Variants in ELP2 observed in about 807,000 individuals in gnomAD.
ELP2 encodes the protein elongator complex protein 2.
In ELP2, 90 loss-of-function variants were observed where a neutral mutation model predicts 119.2. The ratio of observed to expected loss-of-function variants is 0.75; its 90% CI spans 0.64 to 0.90. The LOEUF (loss-of-function observed/expected upper bound fraction) is 0.90, where lower values mean the gene tolerates loss of function less well. Among genes scored for constraint, ELP2 ranks in the 40% least tolerant of loss-of-function variants. The pLI, the probability that ELP2 is intolerant of heterozygous loss-of-function variation, is 0.00. For synonymous variants in ELP2, 339 were observed against 331.0 expected (o/e 1.02, Z -0.26); for missense variants, 921 against 967.8 (o/e 0.95, Z 0.64).
intron 1 of ELP2, 129 bp from the exon 2 acceptor site, chr18:36,133,109 A>C: frequency 1.4e-6 from 1 of 704,478 alleles, no homozygotes; most frequent in Non-Finnish European, 2.5e-6. Context: ...AGATTGAAGA[A>C]GGCAAATCTG....
intron 13 of ELP2, among the ~76,000 whole-genome samples, chr18:36,157,320 G>T (rs1313541462): frequency 6.6e-6 from 1 of 152,188 alleles, no homozygotes; most frequent in Non-Finnish European, 1.5e-5. Context: ...TTCACTTAGA[G>T]TTGAGTCACG....
intron 3 of ELP2, 21 bp downstream of exon 3, chr18:36,136,398 T>C (rs1314000565): frequency 6.3e-7 from 1 of 1,574,838 alleles, no homozygotes; most frequent in Admixed American, 1.7e-5. Context: ...ATGTTTATAA[T>C]CAAGAAATGA....
At chr18:36,133,897 G>GTT (rs57135329) in intron 2 of ELP2, among the ~76,000 whole-genome samples, 739 of 60,796 alleles carry the variant, frequency 0.012, 77 homozygotes, top group African/African-American at 0.05. Flanking sequence ...TTTTTTAGGG[G>GTT]TTTTTTTTTT....
rs376476624 is a variant in ELP2 at position 36,159,979 on chromosome 18, T to C, written c.1652T>C (p.Leu551Pro). 16 of 1,614,024 alleles carry C rather than the reference T, an allele frequency of 9.9e-6. No homozygotes were observed. Among genetic ancestry groups the C allele is most frequent in the Non-Finnish European group, 1.3e-5 (15 of 1,180,038 alleles). Residue 551 changes from leucine (L) to proline (P), a missense_variant, in exon 16 of 22, where the codon CTT becomes CCT. By Grantham distance (98) the Leu-to-Pro change is moderately conservative. Coordinates refer to ENST00000358232, the MANE Select transcript of ELP2 (RefSeq NM_018255.4). ...CTAGAGCCTCCCACTGAGGATCATC[T>C]TCTGCAGAATACTTTGTGGCCTGAA... ...ILTEPPTEDHLLQNTLWPEVQ... is the reference protein window; with the variant it reads ...ILTEPPTEDHPLQNTLWPEVQ...
chr18:36,159,959 G>T lies in ELP2; in HGVS notation c.1632G>T (p.Glu544Asp). 2 of 1,613,992 alleles carry T rather than the reference G, an allele frequency of 1.2e-6. No homozygotes were observed. The highest frequency in any genetic ancestry group is 1.7e-6 in the Non-Finnish European group (2 of 1,179,980). The change falls in exon 16 of 22, where the codon GAG becomes GAT. Residue 544 changes from glutamate to aspartate, a missense_variant and splice_region_variant. Transcript: ENST00000358232. The part of the protein sequence containing the change: ...QVAFQPSILT[E>D]PPTEDHLLQN... Reference sequence around the variant, plus strand: ...AAAAATAGCTTCAATTTATTCTAGAGCCTCCCACTGAGGATCATCTTCTGC... The same window carrying T: ...AAAAATAGCTTCAATTTATTCTAGATCCTCCCACTGAGGATCATCTTCTGC...
chr18:36,166,664 A>G (rs1185375529), intron 18 of ELP2, among the ~76,000 whole-genome samples: 2 of 152,158 alleles, frequency 1.3e-5, no homozygotes, highest in Non-Finnish European at 2.9e-5. Context: ...TAGTCCATAT[A>G]AGGGCTAGAA....
chr18:36,139,147 A>G (rs1190313986), intron 5 of ELP2, among the ~76,000 whole-genome samples: 1 of 152,190 alleles, frequency 6.6e-6, no homozygotes, highest in Non-Finnish European at 1.5e-5. Context: ...CTGTGGATGT[A>G]TATAGGTCTA....
At chr18:36,157,666 G>A (rs1319291919) in intron 13 of ELP2, among the ~76,000 whole-genome samples, 3 of 152,162 alleles carry the variant, frequency 2.0e-5, no homozygotes, top group Non-Finnish European at 4.4e-5. Context: ...GAAGAAAATG[G>A]AATTCATTAG....
At chr18:36,155,240 T>C (rs2144716537) in intron 12 of ELP2, among the ~76,000 whole-genome samples, 1 of 144,388 alleles carries the variant, frequency 6.9e-6, no homozygotes, top group East Asian at 2.0e-4. Context: ...CTCGAACTCC[T>C]GACCTCAGGT....
intron 12 of ELP2, among the ~76,000 whole-genome samples, chr18:36,156,145 T>G (rs896701964): frequency 1.3e-5 from 2 of 152,238 alleles, no homozygotes; most frequent in African/African-American, 4.8e-5. Flanking sequence ...CGGAACTGAC[T>G]GTGGGTCAGT....
chr18:36,160,561 G>C lies in ELP2; in HGVS notation c.1689-371G>C, dbSNP rs911208825. On this transcript the variant is annotated intron_variant, in intron 16 of 21. Coordinates refer to ENST00000358232, the MANE Select transcript of ELP2 (RefSeq NM_018255.4). Reference sequence around the variant, plus strand: ...CCACTGCACCCCAGCCTGGGTGACAGAATGAGACCTTGCCTTGAAAAAAAA... The same window carrying C: ...CCACTGCACCCCAGCCTGGGTGACACAATGAGACCTTGCCTTGAAAAAAAA... Among the ~76,000 whole-genome samples, 3 of 138,562 alleles carry C rather than the reference G, an allele frequency of 2.2e-5. No individual in the cohort carries two copies. In the Admixed American group the frequency reaches 2.3e-4, roughly 11 times the overall value. The allele number at this position is 138,562 out of a possible 152,430, so 90.9% of individuals were successfully genotyped here.
At chr18:36,141,692 C>CTT (rs1204242187) in intron 6 of ELP2, among the ~76,000 whole-genome samples, 9,253 of 137,174 alleles carry the variant, frequency 0.067, 395 homozygotes, top group Non-Finnish European at 0.095. Context: ...AGCTATTCAA[C>CTT]TTTTTTTTTT....
At chr18:36,141,429 A>T in intron 6 of ELP2, 1 of 536,450 alleles carries the variant, frequency 1.9e-6, no homozygotes, top group Non-Finnish European at 3.4e-6. Context: ...ACAGGTCATT[A>T]GGTGGGGGAG....
chr18:36,151,755 T>G (rs1395881475), intron 11 of ELP2, among the ~76,000 whole-genome samples: 2 of 71,054 alleles, frequency 2.8e-5, no homozygotes, highest in African/African-American at 8.0e-5. Context: ...TTTTTTTTTT[T>G]TTTTTTTTTT....
At chr18:36,169,718 G>A (rs1415469523) in intron 19 of ELP2, among the ~76,000 whole-genome samples, 1 of 152,098 alleles carries the variant, frequency 6.6e-6, no homozygotes, top group Admixed American at 6.5e-5. Flanking sequence ...AGCATTTTGT[G>A]GTAGCTTCTT....
chr18:36,144,004 G>C, intron 8 of ELP2, among the ~76,000 whole-genome samples: 1 of 152,148 alleles, frequency 6.6e-6, no homozygotes, highest in East Asian at 1.9e-4. Context: ...ATCCCTGGAT[G>C]GTAGATCCTG....
intron 4 of ELP2, 109 bp from the exon 5 acceptor site, chr18:36,138,686 C>T: frequency 2.0e-6 from 2 of 1,003,956 alleles, no homozygotes; most frequent in Non-Finnish European, 1.6e-6. Flanking sequence ...GGATTGACTT[C>T]TCTCATCTCC....
intron 11 of ELP2, among the ~76,000 whole-genome samples, chr18:36,151,582 A>G (rs1172962602): frequency 6.6e-6 from 1 of 151,806 alleles, no homozygotes; most frequent in Non-Finnish European, 1.5e-5. Context: ...AGGTGGATGG[A>G]TGGATCTCTT....
chr18:36,167,622 C>T (rs2090946418), intron 19 of ELP2, among the ~76,000 whole-genome samples: 1 of 151,870 alleles, frequency 6.6e-6, no homozygotes, highest in Non-Finnish European at 1.5e-5. Context: ...GTTACCTTTT[C>T]ATTTGGTGCT....
Sources: gnomAD v4.1 joint callset for allele counts (sites outside exome capture counted in the v4.1 genomes callset) on GRCh38, gnomAD v4.1.1 for gene constraint, MANE v1.5 for transcripts, NCBI Gene and HGNC (gene_info 2026-07-23, HGNC 2026-07-21) for gene names.